Variants in CPE observed in about 807,000 individuals in gnomAD.
The protein encoded by CPE is carboxypeptidase E.
A neutral mutation model predicts 53.5 loss-of-function variants in CPE; 17 were observed. That is an observed-to-expected ratio of 0.32 (90% CI 0.22 to 0.48). CPE has a LOEUF of 0.48. Among genes scored for constraint, CPE ranks in the 20% least tolerant of loss-of-function variants. The pLI is 0.99. For synonymous variants in CPE, 226 were observed against 228.8 expected (o/e 0.99, Z 0.11); for missense variants, 524 against 614.7 (o/e 0.85, Z 1.56).
intron 5 of CPE, among the ~76,000 whole-genome samples, chr4:165,486,429 T>G (rs1414444855): frequency 6.6e-6 from 1 of 152,204 alleles, no homozygotes; most frequent in Non-Finnish European, 1.5e-5. Flanking sequence ...GATTGTTGAA[T>G]TAGCATATAG....
Position 165,400,575 on chromosome 4 carries a change from G to T in CPE, c.307+21047G>T, listed in dbSNP as rs193287200. On this transcript the variant is annotated intron_variant, in intron 1 of 8. Transcript: ENST00000402744. ...TGGTTGGAAGTCGCTGGGGACATTTGGGGAAGTAGTTTCAGTAGAGTCAAG... is the reference window on the plus strand; with the variant it reads ...TGGTTGGAAGTCGCTGGGGACATTTTGGGAAGTAGTTTCAGTAGAGTCAAG... Among the ~76,000 whole-genome samples the T allele has an allele frequency of 1.9e-3, 295 of 152,178 alleles. 2 individuals are homozygous for T. Among genetic ancestry groups the T allele is most frequent in the African/African-American group, 6.6e-3 (273 of 41,518 alleles).
chr4:165,410,951 G>A (rs1464547865), intron 1 of CPE, among the ~76,000 whole-genome samples: 1 of 152,046 alleles, frequency 6.6e-6, no homozygotes, highest in East Asian at 1.9e-4. Context: ...GGACGTCAAA[G>A]GTAATTTCAT....
At position 165,482,215 on chromosome 4, in the gene CPE, A is replaced by C. The variant is rs756009956; in HGVS notation, c.673-27A>C. ...TCATACCAATGATTATTAAATTTAT[A>C]ATCCTTTTAATCTCTCATCTGAACA... On this transcript the variant is annotated intron_variant, in intron 3 of 8. Coordinates refer to ENST00000402744, the MANE Select transcript of CPE (RefSeq NM_001873.4). The C allele has an allele frequency of 7.0e-6, 10 of 1,422,728 alleles. No homozygotes were observed. In the South Asian group the frequency reaches 1.2e-4, roughly 17 times the overall value. The allele number at this position is 1,422,728 out of a possible 1,614,324, so 88.1% of individuals were successfully genotyped here.
chr4:165,390,236 A>G (rs1301471272), intron 1 of CPE, among the ~76,000 whole-genome samples: 2 of 152,142 alleles, frequency 1.3e-5, no homozygotes, highest in African/African-American at 4.8e-5. Context: ...GTCTTATGTT[A>G]ATGTTCCACC....
intron 3 of CPE, among the ~76,000 whole-genome samples, chr4:165,476,063 G>T (rs1345471690): frequency 1.3e-5 from 2 of 152,188 alleles, no homozygotes; most frequent in African/African-American, 4.8e-5. Context: ...TGGGTTTGCA[G>T]CAACCTCAAT....
chr4:165,444,139 C>T (rs1458431538), intron 1 of CPE, among the ~76,000 whole-genome samples: 2 of 152,116 alleles, frequency 1.3e-5, no homozygotes, highest in Non-Finnish European at 2.9e-5. Context: ...TTTGAGGGTG[C>T]ACGATTTAGC....
intron 4 of CPE, among the ~76,000 whole-genome samples, chr4:165,484,061 A>G (rs1732462273): frequency 6.6e-6 from 1 of 152,222 alleles, no homozygotes; most frequent in African/African-American, 2.4e-5. Flanking sequence ...AATGATTCAT[A>G]GTGGGTATGA....
At chr4:165,427,334 G>GT (rs33954424) in intron 1 of CPE, among the ~76,000 whole-genome samples, 35 of 150,534 alleles carry the variant, frequency 2.3e-4, no homozygotes, top group Middle Eastern at 3.4e-3. Flanking sequence ...TTACCTTTTT[G>GT]TTTTTTTTTC....
chr4:165,431,360 G>A (rs751312831), intron 1 of CPE, among the ~76,000 whole-genome samples: 18 of 152,168 alleles, frequency 1.2e-4, no homozygotes, highest in African/African-American at 3.9e-4. Context: ...CGAAAAAGGC[G>A]AAAGGACCGG....
chr4:165,381,096 G>C (rs572099490), intron 1 of CPE, among the ~76,000 whole-genome samples: 4 of 152,096 alleles, frequency 2.6e-5, no homozygotes, highest in Admixed American at 2.6e-4. Context: ...AGTTTTTTGC[G>C]TTGTTACTTC....
Position 165,495,612 on chromosome 4 carries a change from G to A in CPE, c.1267G>A (p.Ala423Thr). ...LLIPGNYKLT[A>T]SAPGYLAITK... ...TATACCTGGAAACTATAAACTTACAGCCTCAGCTCCAGGCTATCTGGCAAT... is the reference window on the plus strand; with the variant it reads ...TATACCTGGAAACTATAAACTTACAACCTCAGCTCCAGGCTATCTGGCAAT... Residue 423 changes from alanine to threonine, a missense_variant, in exon 8 of 9, where the codon GCC becomes ACC. Coordinates refer to ENST00000402744, the MANE Select transcript of CPE (RefSeq NM_001873.4). 1 of 1,614,018 alleles carries A rather than the reference G, an allele frequency of 6.2e-7. No individual in the cohort carries two copies. The highest frequency in any genetic ancestry group is 1.1e-5 in the South Asian group (1 of 91,058).
chr4:165,471,345 CA>C (rs1016611645), intron 3 of CPE, among the ~76,000 whole-genome samples: 1 of 152,128 alleles, frequency 6.6e-6, no homozygotes, highest in African/African-American at 2.4e-5. Context: ...GACAAAAACT[CA>C]AAAACAACTG....
At chr4:165,450,831 G>A (rs1731795102) in intron 1 of CPE, among the ~76,000 whole-genome samples, 1 of 152,192 alleles carries the variant, frequency 6.6e-6, no homozygotes, top group South Asian at 2.1e-4. Flanking sequence ...TATGCTGTAT[G>A]CCTTTGAATG....
chr4:165,428,655 C>T (rs77367630), intron 1 of CPE, among the ~76,000 whole-genome samples: 3 of 151,918 alleles, frequency 2.0e-5, no homozygotes, highest in Non-Finnish European at 4.4e-5. Flanking sequence ...GTTGTCAGGG[C>T]TGCTGTTCCA....
At chr4:165,459,061 C>A (rs1169877997) in intron 1 of CPE, among the ~76,000 whole-genome samples, 3 of 152,174 alleles carry the variant, frequency 2.0e-5, no homozygotes, top group Non-Finnish European at 4.4e-5. Context: ...TCAAATTTCA[C>A]CCACATGGAT....
intron 1 of CPE, among the ~76,000 whole-genome samples, chr4:165,452,057 C>T (rs1443624215): frequency 1.3e-5 from 2 of 151,758 alleles, no homozygotes; most frequent in Non-Finnish European, 2.9e-5. Context: ...TGTGTAGGCC[C>T]AGAGAGACAA....
chr4:165,494,250 A>G, intron 7 of CPE, among the ~76,000 whole-genome samples: 1 of 152,338 alleles, frequency 6.6e-6, no homozygotes, highest in African/African-American at 2.4e-5. Flanking sequence ...CCCTGCCACA[A>G]GAAACCTGTT....
chr4:165,380,497 A>G, intron 1 of CPE, among the ~76,000 whole-genome samples: 1 of 152,180 alleles, frequency 6.6e-6, no homozygotes, highest in East Asian at 1.9e-4. Context: ...TTAGGAAATA[A>G]TTTGGGCCTG....
intron 1 of CPE, among the ~76,000 whole-genome samples, chr4:165,458,132 C>T (rs1360821876): frequency 6.6e-6 from 1 of 152,216 alleles, no homozygotes; most frequent in African/African-American, 2.4e-5. Flanking sequence ...GAGGGAGGAT[C>T]ATTGATGAAG....
Sources: allele counts gnomAD v4.1 joint callset (sites outside exome capture counted in the v4.1 genomes callset), GRCh38; gene constraint gnomAD v4.1.1; transcripts MANE v1.5; gene names NCBI Gene and HGNC (gene_info 2026-07-23, HGNC 2026-07-21).